Variants in SLC35F4 observed in about 807,000 individuals in gnomAD.
SLC35F4 encodes solute carrier family 35 member F4.
Under a neutral mutation model 44.2 loss-of-function variants are expected in SLC35F4, and 24 were observed. The observed-to-expected ratio is 0.54, with a 90% CI of 0.39 to 0.76. The LOEUF is 0.76. SLC35F4 is among the 30% of genes least tolerant of loss of function. The probability of loss-of-function intolerance (pLI) is 0.00; values close to 1 mark genes in which losing one functional copy is unlikely to be tolerated. For synonymous variants in SLC35F4, 238 were observed against 223.6 expected (o/e 1.06, Z -0.57); for missense variants, 562 against 586.1 (o/e 0.96, Z 0.42).
chr14:57,843,417 T>C (rs919075577), intron 1 of SLC35F4, among the ~76,000 whole-genome samples: 4 of 152,030 alleles, frequency 2.6e-5, no homozygotes, highest in Non-Finnish European at 4.4e-5. Context: ...GCAATTCTGT[T>C]TGGGCTGGTG....
chr14:57,964,987 A>ATATATATATATATATAT (rs1241968437), intron 1 of SLC35F4, among the ~76,000 whole-genome samples: 1 of 131,424 alleles, frequency 7.6e-6, no homozygotes, highest in African/African-American at 3.2e-5. Context: ...AAAAAAAAAA[A>ATATATATATATATATAT]AAAAATATAT....
chr14:57,865,651 G>A (rs1044972488), intron 1 of SLC35F4, 72 bp downstream of exon 1: 10 of 1,304,306 alleles, frequency 7.7e-6, no homozygotes, highest in South Asian at 1.4e-5. Context: ...CCGCCCGTCC[G>A]CATCCCCGCG....
intron 1 of SLC35F4, among the ~76,000 whole-genome samples, chr14:57,885,611 T>C (rs1471520763): frequency 1.3e-5 from 2 of 152,226 alleles, no homozygotes; most frequent in Non-Finnish European, 2.9e-5. Context: ...GAATTAAAAT[T>C]AAATGAAATT....
intron 2 of SLC35F4, among the ~76,000 whole-genome samples, chr14:57,591,499 G>A (rs1328600356): frequency 6.6e-6 from 1 of 152,204 alleles, no homozygotes; most frequent in Non-Finnish European, 1.5e-5. Context: ...ATCTTGTGTT[G>A]AGAGGCCAAG....
chr14:57,803,937 A>C (rs149493909), intron 1 of SLC35F4, among the ~76,000 whole-genome samples: 50 of 152,256 alleles, frequency 3.3e-4, no homozygotes, highest in African/African-American at 1.2e-3. Flanking sequence ...AGGATACAAA[A>C]TCATTGTGCA....
chr14:57,678,229 T>A lies in SLC35F4; in HGVS notation c.104-84105A>T, dbSNP rs569347698. Among the ~76,000 whole-genome samples the A allele has an allele frequency of 1.3e-3, 197 of 152,158 alleles. 1 individual carries two copies. In the Middle Eastern group the frequency reaches 0.017, roughly 13 times the overall value. ...GTGGAGGGCCAATATTAAACATTTTTAAAGAAAAGAACTGTCAACCCAGAA... is the reference window on the plus strand; with the variant it reads ...GTGGAGGGCCAATATTAAACATTTTAAAAGAAAAGAACTGTCAACCCAGAA... On this transcript the variant is annotated intron_variant, in intron 1 of 7. Transcript: ENST00000556826.
At chr14:57,964,968 A>G (rs1187878123) in intron 1 of SLC35F4, among the ~76,000 whole-genome samples, 1 of 114,784 alleles carries the variant, frequency 8.7e-6, no homozygotes, top group South Asian at 3.1e-4. Context: ...TAATGCTCCC[A>G]TGGGGGAAAA....
intron 1 of SLC35F4, among the ~76,000 whole-genome samples, chr14:57,676,497 CAT>C (rs1402617433): frequency 1.3e-5 from 2 of 152,030 alleles, no homozygotes; most frequent in African/African-American, 4.8e-5. Flanking sequence ...GATGGGTTGA[CAT>C]GTGCAGCAAA....
At chr14:57,870,971 C>T (rs929972762), upstream of SLC35F4, among the ~76,000 whole-genome samples, 1 of 152,162 alleles carries the variant, frequency 6.6e-6, no homozygotes, top group African/African-American at 2.4e-5. Flanking sequence ...TCTTCTTGTC[C>T]TTTAAGGAAG....
intron 1 of SLC35F4, among the ~76,000 whole-genome samples, chr14:57,796,815 CACACAT>C (rs1474089087): frequency 2.0e-5 from 3 of 152,160 alleles, no homozygotes; most frequent in Non-Finnish European, 2.9e-5. Context: ...TGCACACAAA[CACACAT>C]ACACACAAAC....
intron 1 of SLC35F4, among the ~76,000 whole-genome samples, 199 bp from the exon 2 acceptor site, chr14:57,594,323 C>T (rs1258240595): frequency 4.6e-5 from 7 of 152,146 alleles, no homozygotes; most frequent in East Asian, 1.9e-4. Context: ...CCAAGTAGCT[C>T]GAATTACAGG....
At chr14:57,846,693 G>T (rs1271011037) in intron 1 of SLC35F4, among the ~76,000 whole-genome samples, 1 of 152,176 alleles carries the variant, frequency 6.6e-6, no homozygotes, top group Non-Finnish European at 1.5e-5. Context: ...TAATATGGCT[G>T]ATGGGAAACA....
rs560337348 is a variant in SLC35F4, at chr14:57,638,864, G to A, written c.104-44740C>T. ...TAGGTCAGAGGTCCCCTATCAAGAG[G>A]TCCTCTTGAGAGAATGCAAGCCTAG... On this transcript the variant is annotated intron_variant, in intron 1 of 7. Transcript: ENST00000556826. Among the ~76,000 whole-genome samples, 62 of 152,104 alleles carry A rather than the reference G, an allele frequency of 4.1e-4. 1 individual carries two copies. The highest frequency in any genetic ancestry group is 2.2e-3 in the Admixed American group (34 of 15,276).
intron 1 of SLC35F4, among the ~76,000 whole-genome samples, chr14:57,761,359 A>G (rs1474880619): frequency 6.6e-6 from 1 of 152,178 alleles, no homozygotes; most frequent in African/African-American, 2.4e-5. Context: ...AATATCTACT[A>G]TTATTTTAAA....
chr14:57,725,404 C>T (rs1383544492), intron 1 of SLC35F4, among the ~76,000 whole-genome samples: 5 of 152,194 alleles, frequency 3.3e-5, no homozygotes, highest in South Asian at 2.1e-4. Context: ...TTATACTGGA[C>T]ATCTTCCAAC....
Position 57,871,881 on chromosome 14 carries a change from G to C in SLC35F4, n.282+110032C>G, listed in dbSNP as rs190858292. Among the ~76,000 whole-genome samples, 17 of 152,308 alleles carry C rather than the reference G, an allele frequency of 1.1e-4. No homozygotes were observed. The East Asian group carries it at 3.3e-3, about 29-fold the overall frequency. On this transcript the variant is annotated intron_variant and non_coding_transcript_variant, in intron 1 of 1. Coordinates refer to the SLC35F4 transcript ENST00000556568. Reference sequence around the variant, plus strand: ...AAAGTTACTAAAAACTGTAATTGAAGAGTTTTAATTCCTTCCATAAATACT... The same window carrying C: ...AAAGTTACTAAAAACTGTAATTGAACAGTTTTAATTCCTTCCATAAATACT...
chr14:57,624,864 AG>A (rs2072392701), intron 1 of SLC35F4, among the ~76,000 whole-genome samples: 1 of 152,298 alleles, frequency 6.6e-6, no homozygotes, highest in Non-Finnish European at 1.5e-5. Flanking sequence ...AATGGGTAAA[AG>A]CTGGAAGCAT....
chr14:57,920,997 TGAA>T (rs769785861), intron 1 of SLC35F4, among the ~76,000 whole-genome samples: 2 of 152,228 alleles, frequency 1.3e-5, no homozygotes, highest in Non-Finnish European at 2.9e-5. Context: ...GAAGAACAAT[TGAA>T]GATGATTTCA....
intron 1 of SLC35F4, among the ~76,000 whole-genome samples, chr14:57,762,674 G>T (rs548323469): frequency 4.9e-4 from 75 of 152,212 alleles, no homozygotes; most frequent in African/African-American, 1.8e-3. Context: ...GAGTGGTTTA[G>T]TTATCATGGG....
Sources: allele counts gnomAD v4.1 joint callset (sites outside exome capture counted in the v4.1 genomes callset), GRCh38; gene constraint gnomAD v4.1.1; transcripts MANE v1.5; gene names NCBI Gene and HGNC (gene_info 2026-07-23, HGNC 2026-07-21).